Variants in IL7 observed in about 807,000 individuals in gnomAD.
IL7 encodes interleukin-7.
In IL7, 3 loss-of-function variants were observed where a neutral mutation model predicts 21.6. That is an observed-to-expected ratio of 0.14 (90% CI 0.06 to 0.36). The LOEUF is 0.36. Among genes scored for constraint, IL7 ranks in the 10% least tolerant of loss-of-function variants. IL7 has a pLI of 1.00. For synonymous variants in IL7, 62 were observed against 68.1 expected (o/e 0.91, Z 0.44); for missense variants, 175 against 200.2 (o/e 0.87, Z 0.76).
intron 2 of IL7, among the ~76,000 whole-genome samples, chr8:78,746,144 G>C (rs1225645334): frequency 1.3e-5 from 2 of 152,216 alleles, no homozygotes; most frequent in Admixed American, 6.5e-5. Context: ...CTATAGAGAA[G>C]TATGCTCCTC....
chr8:78,736,619 C>T, intron 4 of IL7, 92 bp from the exon 5 acceptor site: 3 of 691,672 alleles, frequency 4.3e-6, no homozygotes, highest in Non-Finnish European at 2.5e-6. Flanking sequence ...GCCTTCAGCT[C>T]ATCTAATCTA....
At chr8:78,762,323 A>C (rs1261746923) in intron 2 of IL7, 1 of 1,606,738 alleles carries the variant, frequency 6.2e-7, no homozygotes, top group African/African-American at 1.3e-5. Flanking sequence ...ACAGTTCTCC[A>C]CCCACTTCTG....
chr8:78,709,864 T>A (rs1184364413), intron 3 of IL7, among the ~76,000 whole-genome samples: 2 of 152,174 alleles, frequency 1.3e-5, no homozygotes, highest in Admixed American at 1.3e-4. Flanking sequence ...AACAGAGGTG[T>A]GCAAAGATAC....
intron 2 of IL7, among the ~76,000 whole-genome samples, chr8:78,782,354 C>T (rs1472259572): frequency 6.6e-6 from 1 of 152,130 alleles, no homozygotes; most frequent in African/African-American, 2.4e-5. Context: ...GGTTATCTAC[C>T]TTTGATCTTT....
At chr8:78,679,359 C>T (rs912452214) in intron 4 of IL7, 8 of 152,162 alleles carry the variant, frequency 5.3e-5, no homozygotes, top group African/African-American at 1.9e-4. Flanking sequence ...ACTCAAACTC[C>T]TTATGGCATA....
chr8:78,686,890 A>G (rs945690126), intron 3 of IL7, among the ~76,000 whole-genome samples: 5 of 152,176 alleles, frequency 3.3e-5, no homozygotes, highest in African/African-American at 1.2e-4. Flanking sequence ...AAATGTGAGT[A>G]TTCCAGGAAA....
chr8:78,783,301 T>C (rs1264284281), intron 2 of IL7, among the ~76,000 whole-genome samples: 3 of 152,218 alleles, frequency 2.0e-5, no homozygotes, highest in African/African-American at 4.8e-5. Flanking sequence ...TATGGTTTCC[T>C]GGGCAGGATG....
chr8:78,701,097 A>G (rs1181261887), intron 3 of IL7, among the ~76,000 whole-genome samples: 3 of 152,180 alleles, frequency 2.0e-5, no homozygotes, highest in Non-Finnish European at 4.4e-5. Context: ...TCACCATTTT[A>G]ACAATATTGA....
At chr8:78,804,532 CG>C (rs1178850545) in intron 1 of IL7, among the ~76,000 whole-genome samples, 1 of 152,176 alleles carries the variant, frequency 6.6e-6, no homozygotes, top group Non-Finnish European at 1.5e-5. Context: ...GGGCCGCCTG[CG>C]TGAGTAACTT....
intron 3 of IL7, among the ~76,000 whole-genome samples, chr8:78,699,196 A>C (rs1445449839): frequency 6.6e-6 from 1 of 152,096 alleles, no homozygotes; most frequent in East Asian, 1.9e-4. Flanking sequence ...TGATTCTCTT[A>C]ATTTAATCCT....
chr8:78,677,867 C>T (rs933454964), intron 4 of IL7, among the ~76,000 whole-genome samples: 5 of 152,176 alleles, frequency 3.3e-5, no homozygotes, highest in African/African-American at 9.7e-5. Context: ...ACTCCATAGA[C>T]AGAGCAGCCC....
chr8:78,709,518 G>A (rs905546074), intron 3 of IL7, among the ~76,000 whole-genome samples: 1 of 152,040 alleles, frequency 6.6e-6, no homozygotes, highest in Non-Finnish European at 1.5e-5. Context: ...TGGATAGGGA[G>A]CTAACTTTGC....
At chr8:78,776,505 T>C (rs915590311) in intron 2 of IL7, among the ~76,000 whole-genome samples, 3 of 152,092 alleles carry the variant, frequency 2.0e-5, no homozygotes, top group African/African-American at 7.2e-5. Flanking sequence ...CAAAATCATA[T>C]TGTGTATGTT....
chr8:78,686,431 G>GTTTATTTATTTA (rs60056547), intron 3 of IL7: 164 of 1,173,628 alleles, frequency 1.4e-4, no homozygotes, highest in African/African-American at 7.7e-4. Context: ...GATACTGTTT[G>GTTTATTTATTTA]TTTATTTATT....
intron 3 of IL7, among the ~76,000 whole-genome samples, chr8:78,686,310 G>A (rs1441350592): frequency 1.4e-4 from 22 of 152,024 alleles, no homozygotes; most frequent in Non-Finnish European, 1.5e-5. Flanking sequence ...GTTGCATAAA[G>A]TTTCTCTTTA....
intron 3 of IL7, among the ~76,000 whole-genome samples, chr8:78,693,724 C>G (rs1810299792): frequency 6.6e-6 from 1 of 152,148 alleles, no homozygotes; most frequent in Non-Finnish European, 1.5e-5. Flanking sequence ...TGTGCAGAAG[C>G]TCTTTAGTTG....
intron 2 of IL7, among the ~76,000 whole-genome samples, chr8:78,754,315 T>A (rs1011206354): frequency 1.7e-4 from 26 of 151,912 alleles, no homozygotes; most frequent in African/African-American, 6.3e-4. Flanking sequence ...ATAAAATAAC[T>A]AGGAATACAA....
rs540609884 is a variant in IL7 at position 78,784,227 on chromosome 8, T to C, written c.147+13845A>G. Among the ~76,000 whole-genome samples, 25 of 152,246 alleles carry C rather than the reference T, an allele frequency of 1.6e-4. No homozygotes were observed. In the South Asian group the frequency reaches 5.2e-3, roughly 32 times the overall value. On this transcript the variant is annotated intron_variant, in intron 2 of 5. Coordinates refer to ENST00000263851, the MANE Select transcript of IL7 (RefSeq NM_000880.4). ...TATAAAGAAACACCAGAGAGCTCTC[T>C]AGCCATCTGAAAATTTCACATTCTG...
rs139981184 is a variant in IL7 at position 78,703,187 on chromosome 8, G to A, written n.215-17240C>T. On this transcript the variant is annotated intron_variant and non_coding_transcript_variant, in intron 3 of 4. Coordinates refer to the IL7 transcript ENST00000523959. ...GTTAGGATTACTGGCATGAGCCACC[G>A]CGCCTGGCCCATGTGATCAATTTTA... Among the ~76,000 whole-genome samples the A allele has an allele frequency of 5.9e-3, 902 of 152,196 alleles. 7 individuals are homozygous for A. The highest frequency in any genetic ancestry group is 0.02 in the African/African-American group (822 of 41,532).
Sources: allele counts gnomAD v4.1 joint callset (sites outside exome capture counted in the v4.1 genomes callset), GRCh38; gene constraint gnomAD v4.1.1; transcripts MANE v1.5; gene names NCBI Gene and HGNC (gene_info 2026-07-23, HGNC 2026-07-21).